PPFIA4: variants seen among roughly 807,000 people sequenced by gnomAD.
The protein encoded by PPFIA4 is PPFI scaffold protein A4, also known as liprin-alpha-4.
Under a neutral mutation model 145.7 loss-of-function variants are expected in PPFIA4, and 98 were observed. That is an observed-to-expected ratio of 0.67 (90% CI 0.57 to 0.80). The LOEUF (loss-of-function observed/expected upper bound fraction) is 0.80. PPFIA4 is among the 30% of genes least tolerant of loss of function. The pLI is 0.00. For synonymous variants in PPFIA4, 628 were observed against 649.6 expected (o/e 0.97, Z 0.51); for missense variants, 1,457 against 1,632.7 (o/e 0.89, Z 1.85).
At position 203,045,370 on chromosome 1, in the gene PPFIA4, G is replaced by T; in HGVS notation, c.669G>T (p.Glu223Asp). 1 of 1,591,946 alleles carries T rather than the reference G, an allele frequency of 6.3e-7. No homozygotes were observed. The change falls in exon 7 of 30, where the codon GAG (glutamate) becomes GAT (aspartate). Residue 223 changes from glutamate to aspartate, a missense_variant and splice_region_variant. Coordinates refer to ENST00000295706, the MANE Select transcript of PPFIA4 (RefSeq NM_001304331.2). ...AGCTACTGTCCCTATCCCTGGAGGA[G>T]GATACGGGCCGGGTAGAGGAGCTGC... ...VELGPKRLWKEDTGRVEELQE... is the reference protein window; with the variant it reads ...VELGPKRLWKDDTGRVEELQE...
Position 203,060,939 on chromosome 1 carries a change from A to AGTG in PPFIA4, c.2785-30_2785-29insTGG. 6.8e-6 allele frequency: 11 copies of AGTG among 1,611,886 alleles called. No homozygotes were observed. Among genetic ancestry groups the AGTG allele is most frequent in the Non-Finnish European group, 9.3e-6 (11 of 1,178,210 alleles). The stretch of plus-strand genomic sequence containing the variant: ...ATGGGGATCCTGGGGACCCACACCC[A>AGTG]GGACCAGCTAGGTTTCCTCTCTGCC... On this transcript the variant is annotated intron_variant, in intron 22 of 29. Transcript: ENST00000295706. This position sits in a 1 kb window ranked among gnomAD's most constrained non-coding sequence, Gnocchi z 4.8.
At chr1:203,037,211 G>C in intron 1 of PPFIA4, 1 of 359,462 alleles carries the variant, frequency 2.8e-6, no homozygotes, top group Non-Finnish European at 5.8e-6. Context: ...AGGTAGGAGA[G>C]GCCCGGCCCT....
At chr1:203,056,267 C>T (rs1477807174) in intron 17 of PPFIA4, 108 bp from the exon 18 acceptor site, 1 of 1,595,606 alleles carries the variant, frequency 6.3e-7, no homozygotes. Flanking sequence ...AGAGAGGCAC[C>T]CAGGGCCTCC....
rs898438391 is a variant in PPFIA4 at position 203,026,552 on chromosome 1, G to T, written c.-477G>T. On this transcript the variant is annotated 5_prime_UTR_variant, in exon 1 of 30. Coordinates refer to ENST00000295706, the MANE Select transcript of PPFIA4 (RefSeq NM_001304331.2). Reference sequence around the variant, plus strand: ...CTCGGCGCCGGCTCGGCTCTAGGACGTGTCGGGCTGCACGGGTCGGGGGCG... The same window carrying T: ...CTCGGCGCCGGCTCGGCTCTAGGACTTGTCGGGCTGCACGGGTCGGGGGCG... The T allele has an allele frequency of 2.6e-5, 4 of 152,274 alleles. No homozygotes were observed. Among genetic ancestry groups the T allele is most frequent in the Non-Finnish European group, 5.9e-5 (4 of 68,088 alleles). The allele number at this position is 152,274 out of a possible 1,614,324, so 9.4% of individuals were successfully genotyped here.
At position 203,061,596 on chromosome 1, in the gene PPFIA4, G is replaced by A. The variant is rs1661364555; in HGVS notation, c.2848-56G>A. The A allele has an allele frequency of 2.6e-6, 4 of 1,528,498 alleles. No homozygotes were observed. The South Asian group carries it at 4.9e-5, about 19-fold the overall frequency. 94.7% of individuals were successfully genotyped at this position (1,528,498 alleles called of 1,614,324 possible). On this transcript the variant is annotated intron_variant, in intron 23 of 29. Coordinates refer to ENST00000295706, the MANE Select transcript of PPFIA4 (RefSeq NM_001304331.2). Reference sequence around the variant, plus strand: ...CCTTGATGGGGCCTAGGGTAGAGCTGATGGGTTTCTTGACTTTGCCTGTTT... The same window carrying A: ...CCTTGATGGGGCCTAGGGTAGAGCTAATGGGTTTCTTGACTTTGCCTGTTT...
chr1:203,030,118 G>T (rs575651958), intron 1 of PPFIA4, among the ~76,000 whole-genome samples: 14 of 152,322 alleles, frequency 9.2e-5, no homozygotes, highest in Non-Finnish European at 1.8e-4. Context: ...TTAAGAAAAA[G>T]CTTCCTTAGA....
Position 203,075,812 on chromosome 1 carries a change from C to T in PPFIA4, c.3574+55C>T. Reference sequence around the variant, plus strand: ...AGGCCCAGCCGAGCGCGGGCTTCTTCCTGGCACCCCAGGGCCGGGCCGGGT... The same window carrying T: ...AGGCCCAGCCGAGCGCGGGCTTCTTTCTGGCACCCCAGGGCCGGGCCGGGT... On this transcript the variant is annotated intron_variant, in intron 29 of 29. Transcript: ENST00000295706. This position sits in a 1 kb window ranked among gnomAD's most constrained non-coding sequence, Gnocchi z 4.1. 7.4e-7 allele frequency: 1 copy of T among 1,342,946 alleles called. No individual in the cohort carries two copies. Among genetic ancestry groups the T allele is most frequent in the Non-Finnish European group, 9.6e-7 (1 of 1,042,152 alleles). The allele number at this position is 1,342,946 out of a possible 1,614,324, so 83.2% of individuals were successfully genotyped here.
chr1:203,039,153 G>C lies in PPFIA4; in HGVS notation c.145G>C (p.Glu49Gln), dbSNP rs762368893. ...KLLESLRESQETLAATQSRLQ... is the reference protein window; with the variant it reads ...KLLESLRESQQTLAATQSRLQ... The stretch of plus-strand genomic sequence containing the variant: ...GCTGGAGTCTCTTCGGGAGAGTCAG[G>C]AGACCTTGGCGGCCACACAGAGCCG... The change falls in exon 2 of 30, where the codon GAG (glutamate) becomes CAG (glutamine). Residue 49 changes from glutamate (E) to glutamine (Q), a missense_variant. Coordinates refer to ENST00000295706, the MANE Select transcript of PPFIA4 (RefSeq NM_001304331.2). 1 of 1,607,884 alleles carries C rather than the reference G, an allele frequency of 6.2e-7. No individual in the cohort carries two copies. Among genetic ancestry groups the C allele is most frequent in the East Asian group, 2.2e-5 (1 of 44,664 alleles).
chr1:203,067,076 A>T (rs534425011), intron 25 of PPFIA4, among the ~76,000 whole-genome samples: 1 of 152,318 alleles, frequency 6.6e-6, no homozygotes, highest in South Asian at 2.1e-4. Context: ...TTAAGCAAAG[A>T]CTTAATGGAG....
Position 203,064,008 on chromosome 1 carries a change from G to A in PPFIA4, c.3050+5G>A. On this transcript the variant is annotated splice_donor_5th_base_variant and intron_variant, in intron 25 of 29. Coordinates refer to ENST00000295706, the MANE Select transcript of PPFIA4 (RefSeq NM_001304331.2). Reference sequence around the variant, plus strand: ...GATGGTGGACAGCTTCCATCGGTGAGCGCGGCTGGGACCCAGGGCCACCTC... The same window carrying A: ...GATGGTGGACAGCTTCCATCGGTGAACGCGGCTGGGACCCAGGGCCACCTC... The A allele has an allele frequency of 6.2e-7, 1 of 1,608,774 alleles. No homozygotes were observed. The highest frequency in any genetic ancestry group is 8.5e-7 in the Non-Finnish European group (1 of 1,177,058).
At chr1:203,038,311 T>C (rs967132424) in intron 1 of PPFIA4, among the ~76,000 whole-genome samples, 1 of 152,162 alleles carries the variant, frequency 6.6e-6, no homozygotes, top group African/African-American at 2.4e-5. Flanking sequence ...TGCCGCTGAC[T>C]GAATCATTTC....
chr1:203,075,602 C>T lies in PPFIA4; in HGVS notation c.3419C>T (p.Ala1140Val), dbSNP rs1662470074. 2 of 1,464,722 alleles carry T rather than the reference C, an allele frequency of 1.4e-6. No individual in the cohort carries two copies. Among genetic ancestry groups the T allele is most frequent in the Non-Finnish European group, 9.0e-7 (1 of 1,105,300 alleles). 90.7% of individuals were successfully genotyped at this position (1,464,722 alleles called of 1,614,324 possible). ...DDGDDKVFRR[A>V]PSWRKRFRPR... ...GGGGATGACAAGGTGTTTCGCCGCG[C>T]GCCCTCCTGGAGGAAGCGCTTCCGG... is the stretch of plus-strand genomic sequence containing the variant. Residue 1140 changes from alanine to valine, a missense_variant, in exon 29 of 30, where the codon GCG (alanine) becomes GTG (valine). Ala to Val is a moderately conservative substitution (Grantham distance 64). Coordinates refer to ENST00000295706, the MANE Select transcript of PPFIA4 (RefSeq NM_001304331.2). The surrounding 1 kb of genome is among the most constrained non-coding windows in gnomAD (Gnocchi z 4.1).
At chr1:203,050,622 G>A (rs866783585) in intron 13 of PPFIA4, among the ~76,000 whole-genome samples, 2 of 152,160 alleles carry the variant, frequency 1.3e-5, no homozygotes, top group Non-Finnish European at 2.9e-5. Flanking sequence ...TATGTGTGGA[G>A]GGGCAGTGGT....
intron 29 of PPFIA4, 118 bp from the exon 30 acceptor site, chr1:203,076,223 G>T: frequency 8.7e-7 from 1 of 1,148,118 alleles, no homozygotes; most frequent in South Asian, 1.3e-5. Context: ...GTCTGGCCTG[G>T]GGCGCTTTGC....
In PPFIA4 at chr1:203,055,563, C is replaced by T. The variant is rs565283433; in HGVS notation, c.1961C>T (p.Thr654Met). ...RKRGSIPTSL[T>M]ALSLASASPP... is the part of the protein sequence containing the mutation. ...CGTGGTTCCATCCCCACCTCTCTGA[C>T]GGCCCTGTCCCTGGCCAGCGCGTCC... Residue 654 changes from threonine to methionine, a missense_variant, in exon 16 of 30, where the codon ACG (threonine) becomes ATG (methionine). Physicochemically the swap from Thr to Met is moderately conservative, Grantham distance 81 (BLOSUM62 -1). Around this residue, in one of 3 missense-constraint regions of PPFIA4, gnomAD observed 848 missense variants for 1,046.7 expected, o/e 0.81. Coordinates refer to ENST00000295706, the MANE Select transcript of PPFIA4 (RefSeq NM_001304331.2). The surrounding 1 kb of genome is among the most constrained non-coding windows in gnomAD (Gnocchi z 4.8). The T allele has an allele frequency of 2.3e-5, 37 of 1,613,992 alleles. No homozygotes were observed. The highest frequency in any genetic ancestry group is 2.6e-5 in the Non-Finnish European group (31 of 1,179,876).
chr1:203,072,159 T>C (rs1283519318), intron 28 of PPFIA4, among the ~76,000 whole-genome samples: 1 of 152,174 alleles, frequency 6.6e-6, no homozygotes, highest in Non-Finnish European at 1.5e-5. Flanking sequence ...CACCTCCAGC[T>C]TGCTCAGTAA....
intron 14 of PPFIA4, 42 bp downstream of exon 14, chr1:203,051,919 T>C (rs1373099066): frequency 6.3e-7 from 1 of 1,591,884 alleles, no homozygotes; most frequent in South Asian, 1.1e-5. Flanking sequence ...TTGGGGTCAA[T>C]TCGGCCGCGT....
intron 1 of PPFIA4, among the ~76,000 whole-genome samples, chr1:203,034,255 T>G (rs1659052279): frequency 1.3e-5 from 2 of 152,034 alleles, no homozygotes; most frequent in Non-Finnish European, 2.9e-5. Flanking sequence ...GGCAGGCCAG[T>G]GAGGAGCTGG....
chr1:203,027,985 G>C (rs1658534291), intron 1 of PPFIA4, among the ~76,000 whole-genome samples: 1 of 152,236 alleles, frequency 6.6e-6, no homozygotes, highest in Admixed American at 6.5e-5. Context: ...AGGGCAGCTT[G>C]AATGATTTCC....
Sources: gnomAD v4.1 joint callset for allele counts (sites outside exome capture counted in the v4.1 genomes callset) on GRCh38, gnomAD v4.1.1 for gene constraint, gnomAD v4.1.1 regional missense constraint, Gnocchi (gnomAD v3.1) non-coding constraint, MANE v1.5 for transcripts, NCBI Gene and HGNC (gene_info 2026-07-23, HGNC 2026-07-21) for gene names.